Variants in IFNGR1 observed in about 807,000 individuals in gnomAD.
IFNGR1 encodes the protein interferon gamma receptor 1.
A neutral mutation model predicts 35.4 loss-of-function variants in IFNGR1; 23 were observed. The ratio of observed to expected loss-of-function variants is 0.65; its 90% CI spans 0.47 to 0.92. The LOEUF is 0.92. Ranked by LOEUF, IFNGR1 falls within the 40% of genes least tolerant of loss-of-function variation. The pLI is 0.00. For synonymous variants in IFNGR1, 199 were observed against 209.5 expected, an observed-to-expected ratio of 0.95 and a Z score of 0.43; for missense variants, 533 against 583.4, an observed-to-expected ratio of 0.91 and a Z score of 0.89.
chr6:137,205,335 A>G (rs925240996), intron 3 of IFNGR1, among the ~76,000 whole-genome samples: 26 of 152,312 alleles, frequency 1.7e-4, no homozygotes, highest in South Asian at 1.7e-3. Context: ...TCAAGTGACT[A>G]AAGGTGTCTT....
intron 1 of IFNGR1, among the ~76,000 whole-genome samples, chr6:137,213,854 G>A (rs780198119): frequency 6.6e-6 from 1 of 152,160 alleles, no homozygotes; most frequent in Non-Finnish European, 1.5e-5. Flanking sequence ...AAAAGCATCT[G>A]TGTCTCTTTA....
intron 6 of IFNGR1, 104 bp from the exon 7 acceptor site, chr6:137,198,743 T>G: frequency 1.2e-6 from 1 of 833,696 alleles, no homozygotes. Flanking sequence ...ATGGCACATT[T>G]AGGATAATGG....
chr6:137,201,061 T>C, intron 5 of IFNGR1, 53 bp from the exon 6 acceptor site: 1 of 1,585,466 alleles, frequency 6.3e-7, no homozygotes, highest in Non-Finnish European at 8.7e-7. Flanking sequence ...ACTGCTATTA[T>C]CTATCAAAAA....
At position 137,203,694 on chromosome 6, in the gene IFNGR1, A is replaced by G; in HGVS notation, c.547-9T>C. 3.1e-6 allele frequency: 5 copies of G among 1,611,454 alleles called. No homozygotes were observed. Among genetic ancestry groups the G allele is most frequent in the Non-Finnish European group, 4.2e-6 (5 of 1,178,424 alleles). ...AGTATTTTATACTGGATCTAGATGA[A>G]AAAAGAAAACAGTGAAAATGCACAG... On this transcript the variant is annotated splice_polypyrimidine_tract_variant and intron_variant, in intron 4 of 6. Transcript: ENST00000367739.
In IFNGR1 at chr6:137,203,637, G is replaced by C. The variant is rs759268950; in HGVS notation, c.595C>G (p.Gln199Glu). ...TQKEDDCDEI[Q>E]CQLAIPVSSL... ...GATACTGGAATCGCTAACTGGCACT[G>C]AATCTCGTCACAATCATCTTCCTTC... The change falls in exon 5 of 7, where the codon CAG (glutamine) becomes GAG (glutamate). Residue 199 changes from glutamine (Q) to glutamate (E), a missense_variant. By Grantham distance (29) the Gln-to-Glu change is conservative. Coordinates refer to ENST00000367739, the MANE Select transcript of IFNGR1 (RefSeq NM_000416.3). The C allele has an allele frequency of 3.7e-6, 6 of 1,612,502 alleles. No homozygotes were observed. The South Asian group carries it at 5.5e-5, about 15-fold the overall frequency.
chr6:137,211,983 G>T (rs1779584903), intron 1 of IFNGR1, among the ~76,000 whole-genome samples: 1 of 152,074 alleles, frequency 6.6e-6, no homozygotes, highest in African/African-American at 2.4e-5. Context: ...GAGAGGCTGA[G>T]AATTTTCAAA....
At position 137,201,563 on chromosome 6, in the gene IFNGR1, C is replaced by T. The variant is rs150819338; in HGVS notation, c.734-555G>A. On this transcript the variant is annotated intron_variant, in intron 5 of 6. Transcript: ENST00000367739. ...TGGCATGCGCCTGTAGTCCCAGCTA[C>T]GTGGGAGGCTGAGGCAGGAGAATCG... 2.2e-3 allele frequency among the ~76,000 whole-genome samples: 328 copies of T among 152,150 alleles called. 2 individuals carry two copies. Among genetic ancestry groups the T allele is most frequent in the African/African-American group, 6.9e-3 (287 of 41,518 alleles).
intron 2 of IFNGR1, 179 bp downstream of exon 2, chr6:137,206,784 G>A: frequency 3.3e-6 from 2 of 604,298 alleles, no homozygotes; most frequent in Non-Finnish European, 2.9e-6. Flanking sequence ...ATAAGGAAGA[G>A]GAAATAAGAG....
At chr6:137,209,893 ACT>A (rs1247183246) in intron 1 of IFNGR1, 1 of 398,480 alleles carries the variant, frequency 2.5e-6, no homozygotes, top group Non-Finnish European at 4.4e-6. Flanking sequence ...TTTCATCAAC[ACT>A]CTGCTCTCTG....
At chr6:137,203,109 C>T (rs570790927) in intron 5 of IFNGR1, among the ~76,000 whole-genome samples, 2 of 152,266 alleles carry the variant, frequency 1.3e-5, no homozygotes, top group South Asian at 2.1e-4. Context: ...AACCAGTGAT[C>T]GTTCCTGCTC....
chr6:137,219,284 C>T lies in IFNGR1; in HGVS notation c.44G>A (p.Ser15Asn). Residue 15 changes from serine to asparagine, a missense_variant, in exon 1 of 7, where the codon AGC becomes AAC. Coordinates refer to ENST00000367739, the MANE Select transcript of IFNGR1 (RefSeq NM_000416.3). ...FLLPLVMQGV[S>N]RAEMGTADLG... Reference sequence around the variant, plus strand: ...ATCCGCGGTGCCCATCTCAGCCCTGCTCACACCCTGCATGACAAGGGGTAG... The same window carrying T: ...ATCCGCGGTGCCCATCTCAGCCCTGTTCACACCCTGCATGACAAGGGGTAG... 6.2e-7 allele frequency: 1 copy of T among 1,611,986 alleles called. No individual in the cohort carries two copies. The highest frequency in any genetic ancestry group is 8.5e-7 in the Non-Finnish European group (1 of 1,179,268).
rs3839519 is a variant in IFNGR1, at chr6:137,202,602, T to TACACACAC, written c.733+889_733+896dup. On this transcript the variant is annotated intron_variant, in intron 5 of 6. Transcript: ENST00000367739. ...AATCCTAAGGAAAAAAATATATGTA[T>TACACACAC]ACACACACACACACACACACACACA... Among the ~76,000 whole-genome samples, 1,356 of 142,150 alleles carry TACACACAC rather than the reference T, an allele frequency of 9.5e-3. 5 individuals are homozygous for TACACACAC. Among genetic ancestry groups the TACACACAC allele is most frequent in the East Asian group, 0.018 (89 of 4,900 alleles). 93.3% of individuals were successfully genotyped at this position (142,150 alleles called of 152,430 possible).
intron 1 of IFNGR1, among the ~76,000 whole-genome samples, chr6:137,208,563 C>T (rs1014628178): frequency 6.6e-6 from 1 of 152,234 alleles, no homozygotes. Context: ...CAACATATAG[C>T]TCAGGCTGTG....
intron 1 of IFNGR1, among the ~76,000 whole-genome samples, chr6:137,209,445 G>A (rs1331591003): frequency 6.6e-6 from 1 of 152,052 alleles, no homozygotes; most frequent in Non-Finnish European, 1.5e-5. Context: ...GTTATGAGAG[G>A]GACCTGGGGG....
Position 137,206,952 on chromosome 6 carries a change from G to C in IFNGR1, c.200+11C>G, listed in dbSNP as rs1299990207. On this transcript the variant is annotated intron_variant, in intron 2 of 6. Transcript: ENST00000367739. Reference sequence around the variant, plus strand: ...TGGAATAAAAAGGATAAATAAAAGAGTGACACTCACCCATAGTTCTTTACC... The same window carrying C: ...TGGAATAAAAAGGATAAATAAAAGACTGACACTCACCCATAGTTCTTTACC... 3.8e-6 allele frequency: 6 copies of C among 1,573,912 alleles called. No individual in the cohort carries two copies. The South Asian group carries it at 6.6e-5, about 17-fold the overall frequency.
At chr6:137,205,738 C>T (rs1276299218) in intron 3 of IFNGR1, among the ~76,000 whole-genome samples, 1 of 152,082 alleles carries the variant, frequency 6.6e-6, no homozygotes, top group Non-Finnish European at 1.5e-5. Flanking sequence ...CACCTGTTAG[C>T]CCTATTTTGT....
At chr6:137,203,729 ATCT>A in intron 4 of IFNGR1, 44 bp from the exon 5 acceptor site, 1 of 1,486,230 alleles carries the variant, frequency 6.7e-7, no homozygotes, top group Non-Finnish European at 9.2e-7. Context: ...GCTTCTTTTA[ATCT>A]GAAAAAAAAA....
intron 1 of IFNGR1, 36 bp downstream of exon 1, chr6:137,219,207 C>T (rs1159259583): frequency 6.3e-7 from 1 of 1,580,520 alleles, no homozygotes; most frequent in African/African-American, 1.3e-5. Flanking sequence ...CCCTCTCGTC[C>T]CGACCCGGCC....
chr6:137,200,350 G>A (rs1038835800), intron 6 of IFNGR1, among the ~76,000 whole-genome samples: 4 of 152,100 alleles, frequency 2.6e-5, no homozygotes, highest in Non-Finnish European at 4.4e-5. Context: ...AAACTCCTAC[G>A]TTAGTCTCAT....
Sources: gnomAD v4.1 joint callset for allele counts (sites outside exome capture counted in the v4.1 genomes callset) on GRCh38, gnomAD v4.1.1 for gene constraint, MANE v1.5 for transcripts, NCBI Gene and HGNC (gene_info 2026-07-23, HGNC 2026-07-21) for gene names.